The following CFAP20DC variants were observed in gnomAD, a reference collection of about 807,000 sequenced individuals.
CFAP20DC encodes protein CFAP20DC.
Under a neutral mutation model 101.7 loss-of-function variants are expected in CFAP20DC, and 84 were observed. The observed-to-expected ratio is 0.83, with a 90% CI of 0.69 to 0.99. The LOEUF (loss-of-function observed/expected upper bound fraction) is 0.99. CFAP20DC is among the 50% of genes least tolerant of loss of function. The probability of loss-of-function intolerance (pLI) is 0.00; values close to 1 mark genes in which losing one functional copy is unlikely to be tolerated. For missense variants in CFAP20DC, 1,007 were observed against 970.3 expected (o/e 1.04, Z -0.50); for synonymous variants, 359 against 351.2 (o/e 1.02, Z -0.25).
chr3:59,024,970 T>C (rs982361439), intron 4 of CFAP20DC, among the ~76,000 whole-genome samples: 1 of 152,200 alleles, frequency 6.6e-6, no homozygotes, highest in African/African-American at 2.4e-5. Flanking sequence ...CTGTGAATTG[T>C]CTTCAATCAT....
chr3:58,724,489 C>T lies in CFAP20DC; in HGVS notation c.198-6861G>A, dbSNP rs888529559. 6.6e-6 allele frequency among the ~76,000 whole-genome samples: 1 copy of T among 152,106 alleles called. No individual in the cohort carries two copies. The highest frequency in any genetic ancestry group is 1.5e-5 in the Non-Finnish European group (1 of 68,032). ...TTTGAAGCACTGGAATGTGGACAGA[C>T]GTGTGGGCTCCTATTTAAGCCCGCT... On this transcript the variant is annotated intron_variant, in intron 3 of 3. Coordinates refer to the CFAP20DC transcript ENST00000486145. This position sits in a 1 kb window ranked among gnomAD's most constrained non-coding sequence, Gnocchi z 5.6.
chr3:58,863,042 T>C lies in CFAP20DC; in HGVS notation c.1593+516A>G. ...CCTGTAAGGCAAGTCCCAGCACTAA[T>C]CCACGACTCATTATCTAAACTTTAA... On this transcript the variant is annotated intron_variant, in intron 12 of 16. Coordinates refer to ENST00000482387, the MANE Select transcript of CFAP20DC (RefSeq NM_001394063.1). This position sits in a 1 kb window ranked among gnomAD's most constrained non-coding sequence, Gnocchi z 5.9. The C allele has an allele frequency of 1.0e-6, 1 of 989,332 alleles. No individual in the cohort carries two copies. The highest frequency in any genetic ancestry group is 1.2e-6 in the Non-Finnish European group (1 of 832,794). The allele number at this position is 989,332 out of a possible 1,614,324, so 61.3% of individuals were successfully genotyped here.
At chr3:58,963,224 G>GTGTGTGTGTGTA (rs2091293348) in intron 4 of CFAP20DC, among the ~76,000 whole-genome samples, 1 of 146,194 alleles carries the variant, frequency 6.8e-6, no homozygotes, top group Non-Finnish European at 1.5e-5. Context: ...GTGTGTGTGT[G>GTGTGTGTGTGTA]TGTGTGTGTG....
intron 6 of CFAP20DC, among the ~76,000 whole-genome samples, chr3:58,906,582 C>T (rs969798898): frequency 2.6e-5 from 4 of 152,082 alleles, no homozygotes; most frequent in African/African-American, 7.2e-5. Context: ...GCTTTTTCTA[C>T]TCATTGTCCT....
At chr3:58,748,813 A>G (rs969870372) in intron 16 of CFAP20DC, among the ~76,000 whole-genome samples, 5 of 152,322 alleles carry the variant, frequency 3.3e-5, no homozygotes, top group African/African-American at 1.2e-4. Flanking sequence ...GTCACACTAC[A>G]GTGTGGGATT....
Position 58,899,274 on chromosome 3 carries a change from G to A in CFAP20DC, c.550+14434C>T, listed in dbSNP as rs1343555358. Among the ~76,000 whole-genome samples, 1 of 152,232 alleles carries A rather than the reference G, an allele frequency of 6.6e-6. No individual in the cohort carries two copies. The highest frequency in any genetic ancestry group is 1.5e-5 in the Non-Finnish European group (1 of 68,028). On this transcript the variant is annotated intron_variant, in intron 6 of 16. Transcript: ENST00000482387. The surrounding 1 kb of genome is among the most constrained non-coding windows in gnomAD (Gnocchi z 5.0). ...GTCCAGGCTGTCTGGACTCTCCAGAGCTGGCAGGTTGGAACTGCTGAGTTG... is the reference window on the plus strand; with the variant it reads ...GTCCAGGCTGTCTGGACTCTCCAGAACTGGCAGGTTGGAACTGCTGAGTTG...
chr3:58,818,603 T>C (rs1380231138), intron 14 of CFAP20DC, among the ~76,000 whole-genome samples: 1 of 147,082 alleles, frequency 6.8e-6, no homozygotes, highest in Non-Finnish European at 1.5e-5. Flanking sequence ...AACCTAAATA[T>C]ATATGCACCC....
chr3:58,909,090 C>A (rs2083889851), intron 6 of CFAP20DC, among the ~76,000 whole-genome samples: 1 of 152,078 alleles, frequency 6.6e-6, no homozygotes, highest in Non-Finnish European at 1.5e-5. Flanking sequence ...CAGGTCTTTA[C>A]CTATTTGCAA....
In CFAP20DC at chr3:58,937,497, C is replaced by T. The variant is rs879193675; in HGVS notation, c.393+151G>A. The T allele has an allele frequency of 6.8e-5, 42 of 617,640 alleles. No individual in the cohort carries two copies. The South Asian group carries it at 8.3e-4, about 12-fold the overall frequency. 38.3% of individuals were successfully genotyped at this position (617,640 alleles called of 1,614,324 possible). ...CGTTATTCCACTTAGATGTTAAGCT[C>T]TTTCAAGAGAGGGGAAGGAAGGCCA... On this transcript the variant is annotated intron_variant, in intron 5 of 16. Coordinates refer to ENST00000482387, the MANE Select transcript of CFAP20DC (RefSeq NM_001394063.1).
chr3:59,009,380 A>G (rs769432339), intron 4 of CFAP20DC, among the ~76,000 whole-genome samples: 1 of 152,158 alleles, frequency 6.6e-6, no homozygotes, highest in Non-Finnish European at 1.5e-5. Context: ...AAGCTACTCA[A>G]GGAGATACCA....
intron 4 of CFAP20DC, among the ~76,000 whole-genome samples, chr3:58,939,373 G>C (rs926535950): frequency 3.9e-5 from 6 of 152,226 alleles, no homozygotes; most frequent in Non-Finnish European, 7.4e-5. Context: ...AAGAGGGACT[G>C]CATTAACCAA....
chr3:58,884,806 G>A, intron 6 of CFAP20DC, 97 bp from the exon 7 acceptor site: 2 of 1,024,724 alleles, frequency 2.0e-6, no homozygotes, highest in Non-Finnish European at 2.9e-6. Context: ...AAAGATTTTA[G>A]CGTATGACTT....
At chr3:58,898,357 T>C (rs1376813773) in intron 6 of CFAP20DC, among the ~76,000 whole-genome samples, 1 of 152,100 alleles carries the variant, frequency 6.6e-6, no homozygotes, top group Non-Finnish European at 1.5e-5. Context: ...GTATTTTTAG[T>C]AGAGACAGGG....
intron 4 of CFAP20DC, among the ~76,000 whole-genome samples, chr3:59,009,345 T>C (rs1047553000): frequency 6.6e-6 from 1 of 151,784 alleles, no homozygotes; most frequent in Non-Finnish European, 1.5e-5. Context: ...AATTGCCAGA[T>C]AAAAAATTCA....
chr3:58,833,559 AAG>A (rs2076540286), intron 13 of CFAP20DC, among the ~76,000 whole-genome samples: 1 of 152,142 alleles, frequency 6.6e-6, no homozygotes, highest in Non-Finnish European at 1.5e-5. Flanking sequence ...TACAATAAAA[AAG>A]AGACAATAAC....
chr3:59,018,139 A>G (rs1228987504), intron 4 of CFAP20DC: 2 of 152,106 alleles, frequency 1.3e-5, no homozygotes, highest in East Asian at 3.9e-4. Context: ...GAGATACCCA[A>G]ACAAAGATCA....
At chr3:58,924,570 C>A (rs1471980067) in intron 5 of CFAP20DC, among the ~76,000 whole-genome samples, 1 of 152,006 alleles carries the variant, frequency 6.6e-6, no homozygotes, top group Non-Finnish European at 1.5e-5. Flanking sequence ...ATGAGGATTT[C>A]TTTTCCTTAG....
intron 13 of CFAP20DC, 76 bp from the exon 14 acceptor site, chr3:58,831,965 A>AC (rs1422772202): frequency 7.8e-7 from 1 of 1,280,998 alleles, no homozygotes; most frequent in Non-Finnish European, 1.1e-6. Context: ...CACAGCCTTA[A>AC]CCCCTACAGC....
chr3:58,863,852 A>G lies in CFAP20DC; in HGVS notation c.1299T>C (p.Tyr433=). Residue 433 remains tyrosine (Y), a synonymous_variant, in exon 12 of 17, where the codon TAT becomes TAC. Transcript: ENST00000482387. This position sits in a 1 kb window ranked among gnomAD's most constrained non-coding sequence, Gnocchi z 5.9. The part of the protein sequence containing the change: ...IFPENADHIS[Y]LASSRQSLLL... ...GTAGAGACTGTCTGCTGGATGCCAGATATGAAATGTGATCAGCATTTTCAG... is the reference window on the plus strand; with the variant it reads ...GTAGAGACTGTCTGCTGGATGCCAGGTATGAAATGTGATCAGCATTTTCAG... 1 of 1,613,912 alleles carries G rather than the reference A, an allele frequency of 6.2e-7. No homozygotes were observed.
Sources: gnomAD v4.1 joint callset for allele counts (sites outside exome capture counted in the v4.1 genomes callset) on GRCh38, gnomAD v4.1.1 for gene constraint, Gnocchi (gnomAD v3.1) non-coding constraint, MANE v1.5 for transcripts, NCBI Gene and HGNC (gene_info 2026-07-23, HGNC 2026-07-21) for gene names.